SLC35F4: variants seen among roughly 807,000 people sequenced by gnomAD.
SLC35F4 encodes the protein chromosome 14 open reading frame 36.
A neutral mutation model predicts 44.2 loss-of-function variants in SLC35F4; 24 were observed. The ratio of observed to expected loss-of-function variants is 0.54; its 90% CI spans 0.39 to 0.76. The LOEUF (loss-of-function observed/expected upper bound fraction) is 0.76. Among genes scored for constraint, SLC35F4 ranks in the 30% least tolerant of loss-of-function variants. SLC35F4 has a pLI of 0.00. For missense variants in SLC35F4, 562 were observed against 586.1 expected, an observed-to-expected ratio of 0.96 and a Z score of 0.42; for synonymous variants, 238 against 223.6, an observed-to-expected ratio of 1.06 and a Z score of -0.57.
At chr14:57,884,325 C>T (rs749518883) in intron 1 of SLC35F4, among the ~76,000 whole-genome samples, 5 of 152,122 alleles carry the variant, frequency 3.3e-5, no homozygotes, top group Non-Finnish European at 5.9e-5. Context: ...TCTAAATCAA[C>T]CAGCAGAGTA....
intron 1 of SLC35F4, among the ~76,000 whole-genome samples, chr14:57,604,834 T>C (rs1625342): frequency 0.36 from 55,227 of 151,844 alleles, 10,661 homozygotes; most frequent in Admixed American, 0.46. Flanking sequence ...TTTCACAAAA[T>C]TGACAAAAAT....
At chr14:57,828,711 G>T (rs919717001) in intron 1 of SLC35F4, among the ~76,000 whole-genome samples, 2 of 152,096 alleles carry the variant, frequency 1.3e-5, no homozygotes, top group African/African-American at 4.8e-5. Context: ...TTCCACACGT[G>T]GCTGGTGATC....
intron 1 of SLC35F4, among the ~76,000 whole-genome samples, chr14:57,720,258 A>T (rs1368155500): frequency 6.6e-6 from 1 of 152,128 alleles, no homozygotes; most frequent in Admixed American, 6.5e-5. Flanking sequence ...TAATTTTTGC[A>T]TCACTATTCA....
chr14:57,629,882 G>A, intron 1 of SLC35F4: 1 of 405,538 alleles, frequency 2.5e-6, no homozygotes. Flanking sequence ...AGTGCTCTAG[G>A]CTGAGACTCA....
chr14:57,968,493 A>G (rs1308917598), intron 1 of SLC35F4, among the ~76,000 whole-genome samples: 6 of 152,186 alleles, frequency 3.9e-5, no homozygotes, highest in Non-Finnish European at 7.3e-5. Context: ...ATACTTTGCA[A>G]TTCCTAATAG....
intron 1 of SLC35F4, among the ~76,000 whole-genome samples, chr14:57,880,916 G>C (rs1023075851): frequency 2.0e-5 from 3 of 152,192 alleles, no homozygotes; most frequent in African/African-American, 7.2e-5. Flanking sequence ...TTCATAAAGG[G>C]AGACATGGTT....
At chr14:57,944,447 C>A (rs1889971807) in intron 1 of SLC35F4, among the ~76,000 whole-genome samples, 1 of 152,048 alleles carries the variant, frequency 6.6e-6, no homozygotes, top group Non-Finnish European at 1.5e-5. Context: ...AGAGCATTTA[C>A]CGCTTTCCCA....
Position 57,622,248 on chromosome 14 carries a change from A to C in SLC35F4, c.104-28124T>G, listed in dbSNP as rs532632071. ...CTGTAAACTAGTTCAACCACTGTGGAAGTCAGTGTGGCGATTCCTCAGGGA... is the reference window on the plus strand; with the variant it reads ...CTGTAAACTAGTTCAACCACTGTGGCAGTCAGTGTGGCGATTCCTCAGGGA... On this transcript the variant is annotated intron_variant, in intron 1 of 7. Transcript: ENST00000556826. 6.9e-3 allele frequency among the ~76,000 whole-genome samples: 907 copies of C among 130,618 alleles called. 3 individuals are homozygous for C. The highest frequency in any genetic ancestry group is 0.011 in the Non-Finnish European group (689 of 61,452). The allele number at this position is 130,618 out of a possible 152,430, so 85.7% of individuals were successfully genotyped here.
Position 57,682,344 on chromosome 14 carries a change from G to A in SLC35F4, c.104-88220C>T, listed in dbSNP as rs2074933899. Among the ~76,000 whole-genome samples, 3 of 152,130 alleles carry A rather than the reference G, an allele frequency of 2.0e-5. 1 individual carries two copies. In the South Asian group the frequency reaches 6.2e-4, roughly 32 times the overall value. ...AAAAGATGAGTTCATATCCTTTGCA[G>A]GGACATGGATGATGCTGGAATCTGT... On this transcript the variant is annotated intron_variant, in intron 1 of 7. Transcript: ENST00000556826.
intron 3 of SLC35F4, among the ~76,000 whole-genome samples, chr14:57,581,647 G>A (rs1257953906): frequency 1.3e-5 from 2 of 152,246 alleles, no homozygotes; most frequent in African/African-American, 4.8e-5. Flanking sequence ...CACAGAGTTA[G>A]GCTCTCTTCT....
chr14:57,585,493 G>T (rs1363787838), intron 3 of SLC35F4, among the ~76,000 whole-genome samples: 1 of 152,090 alleles, frequency 6.6e-6, no homozygotes, highest in Non-Finnish European at 1.5e-5. Flanking sequence ...TCTGGCCAGG[G>T]CGATCAGGCA....
intron 1 of SLC35F4, among the ~76,000 whole-genome samples, chr14:57,872,414 A>G (rs1167687559): frequency 6.6e-6 from 1 of 152,132 alleles, no homozygotes; most frequent in East Asian, 1.9e-4. Context: ...GAGAGAAGCT[A>G]AAAAGATCGC....
chr14:57,623,074 C>CATTTAAGGTTAATA (rs2072277584), intron 1 of SLC35F4, among the ~76,000 whole-genome samples: 1 of 152,046 alleles, frequency 6.6e-6, no homozygotes, highest in Admixed American at 6.6e-5. Flanking sequence ...ACCCATCTCA[C>CATTTAAGGTTAATA]TTGCAAATCA....
intron 1 of SLC35F4, among the ~76,000 whole-genome samples, chr14:57,854,858 T>C (rs1330294610): frequency 6.6e-6 from 1 of 152,196 alleles, no homozygotes; most frequent in South Asian, 2.1e-4. Context: ...AAGCCAGAAA[T>C]TGGTAAAGAG....
rs112051643 is a variant in SLC35F4 at position 57,812,180 on chromosome 14, G to A, written c.103+53543C>T. Reference sequence around the variant, plus strand: ...TATTAAAACTTCCTAAATATAGCTTGTGTGGTGTCATGTCTGCTGGGCTCT... The same window carrying A: ...TATTAAAACTTCCTAAATATAGCTTATGTGGTGTCATGTCTGCTGGGCTCT... On this transcript the variant is annotated intron_variant, in intron 1 of 7. Transcript: ENST00000556826. 5.7e-3 allele frequency among the ~76,000 whole-genome samples: 874 copies of A among 152,214 alleles called. 4 individuals are homozygous for A. Among genetic ancestry groups the A allele is most frequent in the Non-Finnish European group, 7.7e-3 (523 of 68,018 alleles).
downstream of SLC35F4, among the ~76,000 whole-genome samples, chr14:57,971,969 T>A (rs1035211021): frequency 6.6e-6 from 1 of 152,066 alleles, no homozygotes; most frequent in African/African-American, 2.4e-5. Flanking sequence ...TTTAACTCAG[T>A]TGGTTAGGGA....
intron 1 of SLC35F4, among the ~76,000 whole-genome samples, chr14:57,716,719 T>C (rs1195780127): frequency 1.3e-5 from 2 of 152,212 alleles, no homozygotes; most frequent in Non-Finnish European, 2.9e-5. Flanking sequence ...CAAATATTTA[T>C]TATTTGTATG....
intron 1 of SLC35F4, among the ~76,000 whole-genome samples, chr14:57,923,536 G>A (rs1594627421): frequency 6.6e-6 from 1 of 152,178 alleles, no homozygotes. Flanking sequence ...TGAAGTCCCT[G>A]TCTCAACTTT....
At chr14:57,893,455 C>T (rs72624740) in intron 1 of SLC35F4, among the ~76,000 whole-genome samples, 18,369 of 152,128 alleles carry the variant, frequency 0.12, 1,357 homozygotes, top group East Asian at 0.4. Context: ...GTCACATAAA[C>T]AGTAACTGAA....
Sources: allele counts gnomAD v4.1 joint callset (sites outside exome capture counted in the v4.1 genomes callset), GRCh38; gene constraint gnomAD v4.1.1; transcripts MANE v1.5; gene names NCBI Gene and HGNC (gene_info 2026-07-23, HGNC 2026-07-21).